The following SULT4A1 variants were observed in gnomAD, a reference collection of about 807,000 sequenced individuals.
SULT4A1 encodes sulfotransferase 4A1.
A neutral mutation model predicts 35.2 loss-of-function variants in SULT4A1; 11 were observed. The ratio of observed to expected loss-of-function variants is 0.31; its 90% CI spans 0.20 to 0.52. The LOEUF is 0.52. SULT4A1 is among the 20% of genes least tolerant of loss of function. The probability of loss-of-function intolerance (pLI) is 0.97; values close to 1 mark genes in which losing one functional copy is unlikely to be tolerated. For missense variants in SULT4A1, 271 were observed against 383.7 expected, an observed-to-expected ratio of 0.71 and a Z score of 2.45; for synonymous variants, 152 against 151.8, an observed-to-expected ratio of 1.00 and a Z score of -0.01.
chr22:43,835,866 G>A (rs1437300022), intron 4 of SULT4A1, among the ~76,000 whole-genome samples: 1 of 152,196 alleles, frequency 6.6e-6, no homozygotes, highest in Admixed American at 6.5e-5. Flanking sequence ...CTGATGTGAG[G>A]AGCAAGTGCA....
chr22:43,841,975 C>T (rs1569503875), intron 1 of SULT4A1, 43 bp from the exon 2 acceptor site: 1 of 1,590,298 alleles, frequency 6.3e-7, no homozygotes, highest in East Asian at 2.3e-5. Context: ...AGAGGAGGCC[C>T]ACGCGCCCGG....
intron 6 of SULT4A1, chr22:43,828,751 G>A (rs2063305557): frequency 3.0e-6 from 1 of 331,062 alleles, no homozygotes; most frequent in African/African-American, 2.1e-5. Context: ...TTGATTTCAG[G>A]CCATCTGAGT....
chr22:43,832,461 C>T (rs755204246), intron 5 of SULT4A1, among the ~76,000 whole-genome samples: 1 of 152,154 alleles, frequency 6.6e-6, no homozygotes, highest in Non-Finnish European at 1.5e-5. Context: ...CGAAAGGCCA[C>T]GCTCCTGCGA....
At chr22:43,854,945 G>C (rs1048974506) in intron 1 of SULT4A1, among the ~76,000 whole-genome samples, 1 of 152,236 alleles carries the variant, frequency 6.6e-6, no homozygotes, top group Non-Finnish European at 1.5e-5. Context: ...CTCTGGATCT[G>C]AGAGGCCTGA....
At chr22:43,844,141 A>C (rs747306663) in intron 1 of SULT4A1, among the ~76,000 whole-genome samples, 12 of 152,168 alleles carry the variant, frequency 7.9e-5, no homozygotes, top group African/African-American at 2.9e-4. Flanking sequence ...CTTGTGTGAG[A>C]GCAGAGGAAA....
intron 1 of SULT4A1, among the ~76,000 whole-genome samples, chr22:43,847,584 A>T (rs376886864): frequency 4.3e-5 from 2 of 46,068 alleles, no homozygotes; most frequent in Admixed American, 1.8e-4. Flanking sequence ...CCCTCCACCC[A>T]CCCCCTCTTC....
At chr22:43,857,606 G>A (rs1194773159) in intron 1 of SULT4A1, among the ~76,000 whole-genome samples, 1 of 152,068 alleles carries the variant, frequency 6.6e-6, no homozygotes, top group African/African-American at 2.4e-5. Flanking sequence ...ATCCCAAGTA[G>A]AATAATTAAC....
chr22:43,856,019 G>A (rs2049397680), intron 1 of SULT4A1, among the ~76,000 whole-genome samples: 1 of 152,198 alleles, frequency 6.6e-6, no homozygotes, highest in African/African-American at 2.4e-5. Context: ...CAGAACCTCT[G>A]AAGCCAGAGA....
rs368426571 is a variant in SULT4A1 at position 43,857,033 on chromosome 22, G to C, written c.169+5181C>G. Among the ~76,000 whole-genome samples, 5 of 152,240 alleles carry C rather than the reference G, an allele frequency of 3.3e-5. No homozygotes were observed. The East Asian group carries it at 7.7e-4, about 23-fold the overall frequency. ...TAAGAAGTCTGATTAACATGTTAAAGGTTCCCAAGGAAAAGATGGACAACA... is the reference window on the plus strand; with the variant it reads ...TAAGAAGTCTGATTAACATGTTAAACGTTCCCAAGGAAAAGATGGACAACA... On this transcript the variant is annotated intron_variant, in intron 1 of 6. Transcript: ENST00000330884.
chr22:43,840,665 T>C (rs1387836666), intron 2 of SULT4A1, among the ~76,000 whole-genome samples: 2 of 152,178 alleles, frequency 1.3e-5, no homozygotes, highest in African/African-American at 4.8e-5. Context: ...CCTGATGCGC[T>C]CACTGCTTCC....
intron 4 of SULT4A1, among the ~76,000 whole-genome samples, chr22:43,834,009 TGCCC>T (rs1189734780): frequency 6.6e-6 from 1 of 152,150 alleles, no homozygotes; most frequent in Non-Finnish European, 1.5e-5. Context: ...ACCGCAACAG[TGCCC>T]GTTACTTTAT....
intron 1 of SULT4A1, among the ~76,000 whole-genome samples, chr22:43,844,371 C>G (rs140406079): frequency 1.4e-4 from 21 of 152,268 alleles, no homozygotes; most frequent in Non-Finnish European, 2.5e-4. Context: ...GTGCTGAGGA[C>G]ACCCTGGCAC....
chr22:43,834,174 A>T (rs1451217412), intron 4 of SULT4A1, among the ~76,000 whole-genome samples: 3 of 152,160 alleles, frequency 2.0e-5, no homozygotes, highest in Non-Finnish European at 4.4e-5. Context: ...AGAGGGCGAC[A>T]GGCAGTAGCC....
intron 1 of SULT4A1, among the ~76,000 whole-genome samples, chr22:43,856,501 C>A (rs1265701928): frequency 6.6e-6 from 1 of 152,204 alleles, no homozygotes; most frequent in Non-Finnish European, 1.5e-5. Context: ...CAGAAGACTG[C>A]AGCTAGACAA....
At chr22:43,861,732 AAAG>A (rs2148314205) in intron 1 of SULT4A1, among the ~76,000 whole-genome samples, 1 of 152,300 alleles carries the variant, frequency 6.6e-6, no homozygotes, top group South Asian at 2.1e-4. Context: ...CCCAGGCTGG[AAAG>A]GAGGGACGTT....
rs1433494447 is a variant in SULT4A1 at position 43,841,931 on chromosome 22, G to A, written c.171C>T (p.Gly57=). The A allele has an allele frequency of 5.0e-6, 8 of 1,612,664 alleles. No homozygotes were observed. The highest frequency in any genetic ancestry group is 2.2e-5 in the East Asian group (1 of 44,810). ...AGACCACCTCCTGCAGCAAGCTGGTGCCTGGAGGGGAGAAGCCCCAGCGCG... is the reference window on the plus strand; with the variant it reads ...AGACCACCTCCTGCAGCAAGCTGGTACCTGGAGGGGAGAAGCCCCAGCGCG... The part of the protein sequence containing the change: ...DVWIVTYPKS[G]TSLLQEVVYL... The change falls in exon 2 of 7, where the codon GGC becomes GGT. Residue 57 remains glycine (G), a splice_region_variant and synonymous_variant. Coordinates refer to ENST00000330884, the MANE Select transcript of SULT4A1 (RefSeq NM_014351.4).
chr22:43,828,116 G>A (rs1002683731), intron 6 of SULT4A1, among the ~76,000 whole-genome samples: 2 of 152,232 alleles, frequency 1.3e-5, no homozygotes, highest in South Asian at 2.1e-4. Flanking sequence ...AGCCCAGCGC[G>A]TCTCTCATCC....
At chr22:43,848,446 G>A (rs1026062197) in intron 1 of SULT4A1, among the ~76,000 whole-genome samples, 1 of 152,210 alleles carries the variant, frequency 6.6e-6, no homozygotes, top group African/African-American at 2.4e-5. Flanking sequence ...ACCTACCGAT[G>A]AAGCCACACA....
chr22:43,862,424 A>C lies in SULT4A1; in HGVS notation c.-42T>G. 1.0e-6 allele frequency: 1 copy of C among 989,794 alleles called. No individual in the cohort carries two copies. The highest frequency in any genetic ancestry group is 1.9e-5 in the African/African-American group (1 of 51,556). The allele number at this position is 989,794 out of a possible 1,614,324, so 61.3% of individuals were successfully genotyped here. The stretch of plus-strand genomic sequence containing the variant: ...TCGCCGCCGCCGCCTCCCGGCTCGC[A>C]GCCCGCACGCGCCCGCGCCCGCGCC... On this transcript the variant is annotated 5_prime_UTR_variant, in exon 1 of 7. Transcript: ENST00000330884.
Sources: gnomAD v4.1 joint callset for allele counts (sites outside exome capture counted in the v4.1 genomes callset) on GRCh38, gnomAD v4.1.1 for gene constraint, MANE v1.5 for transcripts, NCBI Gene and HGNC (gene_info 2026-07-23, HGNC 2026-07-21) for gene names.